Variants in BMAL2 observed in about 807,000 individuals in gnomAD.
The protein encoded by BMAL2 is basic helix-loop-helix ARNT-like protein 2.
the BMAL2 span, among the ~76,000 whole-genome samples, chr12:27,407,628 A>C: frequency 6.6e-6 from 1 of 152,228 alleles, no homozygotes; most frequent in African/African-American, 2.4e-5. Flanking sequence ...CTAAATGCCC[A>C]CAAGAGAAAG....
At chr12:27,365,224 C>T in the BMAL2 span, among the ~76,000 whole-genome samples, 1 of 152,046 alleles carries the variant, frequency 6.6e-6, no homozygotes, top group East Asian at 1.9e-4. Flanking sequence ...AATATTTCTA[C>T]ATTTCCTGAG....
At chr12:27,371,966 T>C in the BMAL2 span, among the ~76,000 whole-genome samples, 4 of 152,208 alleles carry the variant, frequency 2.6e-5, no homozygotes, top group African/African-American at 9.6e-5. Context: ...TTCTAGCAAA[T>C]TGCCACTATT....
the BMAL2 span, among the ~76,000 whole-genome samples, chr12:27,386,804 A>AT: frequency 6.6e-6 from 1 of 151,870 alleles, no homozygotes; most frequent in East Asian, 1.9e-4. Flanking sequence ...CAATTTTTGT[A>AT]TTTTTTGTCA....
the BMAL2 span, among the ~76,000 whole-genome samples, chr12:27,339,603 T>A: frequency 6.6e-6 from 1 of 151,934 alleles, no homozygotes; most frequent in East Asian, 1.9e-4. Flanking sequence ...TTCTTTGCAG[T>A]CTCACCAGTA....
At chr12:27,417,438 C>T in the BMAL2 span, among the ~76,000 whole-genome samples, 13 of 152,190 alleles carry the variant, frequency 8.5e-5, no homozygotes, top group Admixed American at 8.5e-4. Flanking sequence ...TACATATGCA[C>T]CTTCAGTTAT....
chr12:27,374,054 G>C, the BMAL2 span, among the ~76,000 whole-genome samples: 5 of 152,126 alleles, frequency 3.3e-5, no homozygotes, highest in Admixed American at 2.0e-4. Context: ...AAATAGAAGG[G>C]TATTTGCATT....
the BMAL2 span, among the ~76,000 whole-genome samples, chr12:27,414,729 A>G: frequency 6.6e-6 from 1 of 152,232 alleles, no homozygotes; most frequent in Non-Finnish European, 1.5e-5. Context: ...TCCAGAAACT[A>G]GAAACAGTAC....
At chr12:27,418,105 G>T in the BMAL2 span, 1 of 1,612,428 alleles carries the variant, frequency 6.2e-7, no homozygotes, top group East Asian at 2.2e-5. Context: ...ATAAGGAGTT[G>T]TTTCCACCAA....
the BMAL2 span, chr12:27,376,217 G>T: frequency 1.3e-6 from 1 of 756,386 alleles, no homozygotes; most frequent in Non-Finnish European, 2.2e-6. Context: ...GCTCAAGGGA[G>T]CATTTACAGC....
At chr12:27,395,091 A>G in the BMAL2 span, among the ~76,000 whole-genome samples, 10 of 152,356 alleles carry the variant, frequency 6.6e-5, 1 homozygote, top group East Asian at 1.2e-3. Flanking sequence ...ATCATTTTCT[A>G]TACCGTAGTT....
At chr12:27,401,627 T>A in the BMAL2 span, 1 of 1,611,344 alleles carries the variant, frequency 6.2e-7, no homozygotes, top group Non-Finnish European at 8.5e-7. Context: ...TCACAAATCC[T>A]TGGACAAAAG....
chr12:27,376,730 G>A, the BMAL2 span, among the ~76,000 whole-genome samples: 3 of 152,140 alleles, frequency 2.0e-5, no homozygotes, highest in African/African-American at 7.2e-5. Flanking sequence ...GCCTGGCGCA[G>A]TGGCTTACAC....
the BMAL2 span, chr12:27,401,718 G>C: frequency 1.4e-6 from 2 of 1,393,922 alleles, no homozygotes; most frequent in South Asian, 2.9e-5. Context: ...GATTTCAAAT[G>C]AGTCTCTTTG....
At chr12:27,374,530 T>C in the BMAL2 span, among the ~76,000 whole-genome samples, 13 of 152,218 alleles carry the variant, frequency 8.5e-5, no homozygotes, top group Non-Finnish European at 1.8e-4. Flanking sequence ...GGGACAATTA[T>C]ATATAATTCC....
the BMAL2 span, among the ~76,000 whole-genome samples, chr12:27,380,019 T>C: frequency 6.6e-6 from 1 of 152,266 alleles, no homozygotes; most frequent in East Asian, 1.9e-4. Context: ...TTTTAAATAT[T>C]TCAGAAAATG....
chr12:27,349,010 A>G, the BMAL2 span, among the ~76,000 whole-genome samples: 2 of 152,218 alleles, frequency 1.3e-5, no homozygotes, highest in African/African-American at 4.8e-5. Flanking sequence ...AGGAGATAAC[A>G]TCTGACTTTG....
chr12:27,389,426 A>C, the BMAL2 span: 1 of 608,686 alleles, frequency 1.6e-6, no homozygotes, highest in Non-Finnish European at 2.8e-6. Flanking sequence ...TAAACTTTAC[A>C]TCATACTTAA....
the BMAL2 span, chr12:27,424,689 CATCACTGAGCCCTGGA>C: frequency 6.6e-6 from 1 of 152,184 alleles, no homozygotes. Context: ...TCAGGTGGGT[CATCACTGAGCCCTGGA>C]ATTGGAGACT....
At chr12:27,398,815 TTA>T in the BMAL2 span, among the ~76,000 whole-genome samples, 1 of 152,232 alleles carries the variant, frequency 6.6e-6, no homozygotes, top group African/African-American at 2.4e-5. Flanking sequence ...TGGAATATTT[TTA>T]GTCAGTATCA....
Sources: allele counts gnomAD v4.1 joint callset (sites outside exome capture counted in the v4.1 genomes callset), GRCh38; gene constraint gnomAD v4.1.1; transcripts MANE v1.5; gene names NCBI Gene and HGNC (gene_info 2026-07-23, HGNC 2026-07-21).